Variants in GPATCH1 observed in about 807,000 individuals in gnomAD.
GPATCH1 encodes G patch domain-containing protein 1.
Under a neutral mutation model 114.9 loss-of-function variants are expected in GPATCH1, and 73 were observed. That is an observed-to-expected ratio of 0.64 (90% CI 0.53 to 0.77). GPATCH1 has a LOEUF of 0.77. GPATCH1 is among the 30% of genes least tolerant of loss of function. GPATCH1 has a pLI of 0.00. For synonymous variants in GPATCH1, 391 were observed against 428.4 expected (o/e 0.91, Z 1.08); for missense variants, 1,058 against 1,144.3 (o/e 0.92, Z 1.09).
rs16967812 is a variant in GPATCH1 at position 33,113,760 on chromosome 19, T to C, written c.1893-7T>C. ...GTTACTAAAATGATTCTTTTTTCAA[T>C]TCCCAGTTCAACTTTAGTTGGCTTA... On this transcript the variant is annotated splice_polypyrimidine_tract_variant and splice_region_variant and intron_variant, in intron 13 of 19. Transcript: ENST00000170564. The C allele has an allele frequency of 7.2e-4, 1,168 of 1,612,260 alleles. 3 individuals carry two copies. The African/African-American group carries it at 0.013, about 19-fold the overall frequency.
At position 33,112,630 on chromosome 19, in the gene GPATCH1, T is replaced by A; in HGVS notation, c.1892+17T>A. On this transcript the variant is annotated intron_variant, in intron 13 of 19. Transcript: ENST00000170564. ...TTATCCAGAGTAAGTTGGATAAACC[T>A]TTACATCAGTACAAAATGTATTCTT... The A allele has an allele frequency of 6.2e-7, 1 of 1,603,448 alleles. No individual in the cohort carries two copies. Among genetic ancestry groups the A allele is most frequent in the Non-Finnish European group, 8.5e-7 (1 of 1,171,170 alleles).
intron 15 of GPATCH1, among the ~76,000 whole-genome samples, chr19:33,114,797 CTTTT>C (rs546074419): frequency 2.3e-5 from 2 of 87,168 alleles, no homozygotes; most frequent in Admixed American, 1.6e-4. Context: ...CTATTTCTCT[CTTTT>C]TTTTTTTTTT....
At chr19:33,101,275 A>G (rs1286865374) in intron 8 of GPATCH1, among the ~76,000 whole-genome samples, 1 of 152,186 alleles carries the variant, frequency 6.6e-6, no homozygotes, top group African/African-American at 2.4e-5. Context: ...GGGTAGCCCA[A>G]TCTGTCCAGG....
intron 10 of GPATCH1, 69 bp downstream of exon 10, chr19:33,106,968 G>A: frequency 7.6e-7 from 1 of 1,318,412 alleles, no homozygotes; most frequent in Non-Finnish European, 1.1e-6. Flanking sequence ...ATGGAAAGTT[G>A]TTGTTTTCCC....
chr19:33,102,121 G>A (rs147097489), intron 9 of GPATCH1, among the ~76,000 whole-genome samples: 3,611 of 151,704 alleles, frequency 0.024, 139 homozygotes, highest in African/African-American at 0.083. Flanking sequence ...ATCACCTGAG[G>A]TTAGGAGTTT....
In GPATCH1 at chr19:33,094,172, A is replaced by T; in HGVS notation, c.456A>T (p.Lys152Asn). Reference protein sequence around the residue: ...TLLDDLITPAKLSVGFELLRK... With the variant: ...TLLDDLITPANLSVGFELLRK... ...CATTTTCAATGCCTTGCTATCCTAGATTATCTGTTGGTTTCGAATTGCTAA... is the reference window on the plus strand; with the variant it reads ...CATTTTCAATGCCTTGCTATCCTAGTTTATCTGTTGGTTTCGAATTGCTAA... Residue 152 changes from lysine (K) to asparagine (N), a missense_variant and splice_region_variant, in exon 5 of 20, where the codon AAA becomes AAT. Physicochemically the swap from Lys to Asn is moderately conservative, Grantham distance 94. Transcript: ENST00000170564. 6.6e-7 allele frequency: 1 copy of T among 1,524,770 alleles called. No individual in the cohort carries two copies. The highest frequency in any genetic ancestry group is 9.1e-7 in the Non-Finnish European group (1 of 1,098,554). 94.5% of individuals were successfully genotyped at this position (1,524,770 alleles called of 1,614,324 possible).
At chr19:33,107,899 G>C (rs948761467) in intron 10 of GPATCH1, among the ~76,000 whole-genome samples, 15 of 151,116 alleles carry the variant, frequency 9.9e-5, no homozygotes, top group Middle Eastern at 3.4e-3. Context: ...TGTGCACAAC[G>C]TGCAGGTTTG....
At chr19:33,120,556 A>G (rs1324858188) in intron 17 of GPATCH1, among the ~76,000 whole-genome samples, 2 of 148,030 alleles carry the variant, frequency 1.4e-5, no homozygotes, top group African/African-American at 4.9e-5. Context: ...CTCAAAAAAA[A>G]AAAAAAAAAA....
At chr19:33,121,818 A>G (rs1296777696) in intron 17 of GPATCH1, among the ~76,000 whole-genome samples, 2 of 152,180 alleles carry the variant, frequency 1.3e-5, no homozygotes, top group Non-Finnish European at 2.9e-5. Flanking sequence ...ACAAACATCT[A>G]TAACATGGCC....
At chr19:33,120,551 A>G (rs1972971614) in intron 17 of GPATCH1, among the ~76,000 whole-genome samples, 1 of 145,846 alleles carries the variant, frequency 6.9e-6, no homozygotes, top group Non-Finnish European at 1.5e-5. Context: ...TCTGTCTCAA[A>G]AAAAAAAAAA....
chr19:33,110,001 A>C lies in GPATCH1; in HGVS notation c.1570A>C (p.Lys524Gln). 6.2e-7 allele frequency: 1 copy of C among 1,608,140 alleles called. No homozygotes were observed. Residue 524 changes from lysine (K) to glutamine (Q), a missense_variant, in exon 11 of 20, where the codon AAA (lysine) becomes CAA (glutamine). By Grantham distance (53) the Lys-to-Gln change is moderately conservative. Around this residue, in one of 3 missense-constraint regions of GPATCH1, gnomAD observed 893 missense variants for 977.4 expected, o/e 0.91. Coordinates refer to ENST00000170564, the MANE Select transcript of GPATCH1 (RefSeq NM_018025.3). ...ATACGACGAGTTCTTAGTACACATG[A>C]AACAGGGTCAGAAAGGTGGGTGCTG... is the stretch of plus-strand genomic sequence containing the variant. ...KRYDEFLVHMKQGQKDALERC... is the reference protein window; with the variant it reads ...KRYDEFLVHMQQGQKDALERC...
At chr19:33,081,666 G>T (rs115079168) in intron 1 of GPATCH1, among the ~76,000 whole-genome samples, 1 of 152,114 alleles carries the variant, frequency 6.6e-6, no homozygotes, top group Non-Finnish European at 1.5e-5. Context: ...AGTGGCAAAG[G>T]CCCTGAAGTG....
intron 17 of GPATCH1, among the ~76,000 whole-genome samples, chr19:33,121,306 T>TTTTA (rs1972981259): frequency 9.7e-6 from 1 of 102,860 alleles, no homozygotes; most frequent in Admixed American, 9.7e-5. Flanking sequence ...GTCTTTTTCT[T>TTTTA]TTTCTTTTCT....
chr19:33,110,969 G>A (rs900901341), intron 11 of GPATCH1, among the ~76,000 whole-genome samples: 1 of 148,304 alleles, frequency 6.7e-6, no homozygotes, highest in Admixed American at 6.8e-5. Flanking sequence ...AAAAAAAAAA[G>A]ATATATATGT....
chr19:33,108,601 C>T (rs533398046), intron 10 of GPATCH1, among the ~76,000 whole-genome samples: 1 of 152,192 alleles, frequency 6.6e-6, no homozygotes, highest in East Asian at 1.9e-4. Context: ...CCTGTCCCCT[C>T]TACCAGCCCG....
chr19:33,123,414 T>A (rs2145340093), intron 17 of GPATCH1, among the ~76,000 whole-genome samples: 1 of 150,638 alleles, frequency 6.6e-6, no homozygotes, highest in Middle Eastern at 3.4e-3. Context: ...AAAAAAAAAT[T>A]AAAAGAATTT....
chr19:33,114,013 T>G, intron 14 of GPATCH1, 110 bp downstream of exon 14: 1 of 966,406 alleles, frequency 1.0e-6, no homozygotes, highest in Non-Finnish European at 1.6e-6. Context: ...TGGTGCATAT[T>G]CTCCCTCCAT....
intron 16 of GPATCH1, 105 bp downstream of exon 16, chr19:33,118,146 C>A: frequency 6.2e-5 from 39 of 632,956 alleles, no homozygotes; most frequent in East Asian, 1.2e-4. Flanking sequence ...GATTAGCAAT[C>A]AATGATATGT....
Position 33,102,206 on chromosome 19 carries a change from C to T in GPATCH1, c.1080+632C>T, listed in dbSNP as rs1194357449. Among the ~76,000 whole-genome samples the T allele has an allele frequency of 4.0e-5, 6 of 148,706 alleles. No homozygotes were observed. The East Asian group carries it at 8.3e-4, about 21-fold the overall frequency. On this transcript the variant is annotated intron_variant, in intron 9 of 19. Transcript: ENST00000170564. ...AAAATTAGCTAGGTGTGGTGGTGGG[C>T]GCCTGTAATCCCAGTTACTCGGGAG...
Sources: gnomAD v4.1 joint callset for allele counts (sites outside exome capture counted in the v4.1 genomes callset) on GRCh38, gnomAD v4.1.1 for gene constraint, gnomAD v4.1.1 regional missense constraint, MANE v1.5 for transcripts, NCBI Gene and HGNC (gene_info 2026-07-23, HGNC 2026-07-21) for gene names.